BPNT2: variants seen among roughly 807,000 people sequenced by gnomAD.
BPNT2 encodes the protein Golgi-resident adenosine 3',5'-bisphosphate 3'-phosphatase.
A neutral mutation model predicts 29.3 loss-of-function variants in BPNT2; 11 were observed. The observed-to-expected ratio is 0.38, with a 90% CI of 0.24 to 0.62. The LOEUF (loss-of-function observed/expected upper bound fraction) is 0.62, where lower values mean the gene tolerates loss of function less well. BPNT2 is among the 20% of genes least tolerant of loss of function. The pLI is 0.62. For synonymous variants in BPNT2, 195 were observed against 187.7 expected, an observed-to-expected ratio of 1.04 and a Z score of -0.32; for missense variants, 459 against 473.4, an observed-to-expected ratio of 0.97 and a Z score of 0.28.
chr8:56,993,076 T>G (rs1224419182), intron 1 of BPNT2, 123 bp downstream of exon 1: 2 of 1,521,774 alleles, frequency 1.3e-6, no homozygotes, highest in African/African-American at 2.8e-5. Context: ...CACGTTAACT[T>G]CTGCGTCTCA....
At chr8:56,966,459 C>A in intron 3 of BPNT2, 107 bp from the exon 4 acceptor site, 1 of 942,474 alleles carries the variant, frequency 1.1e-6, no homozygotes, top group Non-Finnish European at 1.7e-6. Flanking sequence ...TAGCTCTCTT[C>A]TAAAAAATTA....
At chr8:56,987,895 A>AT (rs1806351899) in intron 1 of BPNT2, among the ~76,000 whole-genome samples, 1 of 151,326 alleles carries the variant, frequency 6.6e-6, no homozygotes, top group Non-Finnish European at 1.5e-5. Flanking sequence ...CGCCCAGCTA[A>AT]TTTTTTGTAT....
chr8:56,964,366 T>G, intron 4 of BPNT2: 1 of 255,322 alleles, frequency 3.9e-6, no homozygotes, highest in South Asian at 4.2e-5. Context: ...CAGCGCGATC[T>G]TGGCTCACTG....
rs886063005 is a variant in BPNT2, at chr8:56,960,800, G to C, written c.*2993C>G. 2.0e-5 allele frequency: 3 copies of C among 152,094 alleles called. No individual in the cohort carries two copies. The highest frequency in any genetic ancestry group is 2.9e-5 in the Non-Finnish European group (2 of 68,022). The allele number at this position is 152,094 out of a possible 1,614,324, so 9.4% of individuals were successfully genotyped here. A position where few individuals can be genotyped will look rare whatever the true frequency, so the allele number is the denominator to read the frequency against. The stretch of plus-strand genomic sequence containing the variant: ...TCATATTAGACTTGACAACATAAAG[G>C]GTTGTGGTTTTGAAGGTGATTTTCC... On this transcript the variant is annotated 3_prime_UTR_variant, in exon 5 of 5. Transcript: ENST00000262644.
Position 56,977,938 on chromosome 8 carries a change from A to C in BPNT2, c.646+112T>G. ...ATAATTTGTGTTTTTTTCTTACAGC[A>C]GCCCTAGGAAACTAATATAGGAGTG... On this transcript the variant is annotated intron_variant, in intron 3 of 4. Transcript: ENST00000262644. 3 of 767,186 alleles carry C rather than the reference A, an allele frequency of 3.9e-6. No homozygotes were observed. In the South Asian group the frequency reaches 4.2e-5, roughly 11 times the overall value. The allele number at this position is 767,186 out of a possible 1,614,324, so 47.5% of individuals were successfully genotyped here.
At chr8:56,989,120 A>C (rs1330969811) in intron 1 of BPNT2, among the ~76,000 whole-genome samples, 1 of 152,340 alleles carries the variant, frequency 6.6e-6, no homozygotes, top group East Asian at 1.9e-4. Flanking sequence ...CCTTATATAG[A>C]GAATTAGACA....
At position 56,963,979 on chromosome 8, in the gene BPNT2, C is replaced by T. The variant is rs771757587; in HGVS notation, c.894G>A (p.Lys298=). The part of the protein sequence containing the change: ...DLYIHVTYIK[K]WDICAGNAIL... The stretch of plus-strand genomic sequence containing the variant: ...TGGCATTACCAGCACATATATCCCA[C>T]TTTTTGATGTATGTCACATGGATGT... The change falls in exon 5 of 5, where the codon AAG becomes AAA. Residue 298 remains lysine, a synonymous_variant. Transcript: ENST00000262644. 29 of 1,613,420 alleles carry T rather than the reference C, an allele frequency of 1.8e-5. No homozygotes were observed. The highest frequency in any genetic ancestry group is 2.5e-5 in the Non-Finnish European group (29 of 1,179,574).
At chr8:56,983,652 C>A (rs921305625) in intron 1 of BPNT2, among the ~76,000 whole-genome samples, 2 of 152,094 alleles carry the variant, frequency 1.3e-5, no homozygotes, top group Non-Finnish European at 2.9e-5. Context: ...GAAAGAAAAA[C>A]CAATCCATAA....
chr8:56,969,620 C>G (rs1806000708), intron 3 of BPNT2, among the ~76,000 whole-genome samples: 2 of 151,912 alleles, frequency 1.3e-5, no homozygotes, highest in South Asian at 4.1e-4. Flanking sequence ...AAATGATGGT[C>G]AAGGATGAAA....
rs763945623 is a variant in BPNT2, at chr8:56,993,393, C to G, written c.193G>C (p.Glu65Gln). ...GCCAGCACTGACACAGCCAGCATCT[C>G]GCGCAAGTCCACGGTGCCCCCATCG... ...AADGGTVDLR[E>Q]MLAVSVLAAV... Residue 65 changes from glutamate (E) to glutamine (Q), a missense_variant, in exon 1 of 5, where the codon GAG (glutamate) becomes CAG (glutamine). Physicochemically the swap from Glu to Gln is conservative, Grantham distance 29. Transcript: ENST00000262644. 7 of 1,607,796 alleles carry G rather than the reference C, an allele frequency of 4.4e-6. No homozygotes were observed. In the South Asian group the frequency reaches 6.6e-5, roughly 15 times the overall value.
At chr8:56,980,260 C>T in intron 1 of BPNT2, 63 bp from the exon 2 acceptor site, 1 of 1,335,270 alleles carries the variant, frequency 7.5e-7, no homozygotes, top group South Asian at 1.2e-5. Context: ...TGATAAACTA[C>T]AAAAGTATTT....
At chr8:56,978,454 A>G (rs1806182814) in intron 2 of BPNT2, among the ~76,000 whole-genome samples, 1 of 152,172 alleles carries the variant, frequency 6.6e-6, no homozygotes, top group African/African-American at 2.4e-5. Flanking sequence ...GTGGGAGTGT[A>G]AATTAGTTAA....
rs576535573 is a variant in BPNT2, at chr8:56,981,609, G to A, written c.388-1412C>T. On this transcript the variant is annotated intron_variant, in intron 1 of 4. Transcript: ENST00000262644. ...AATAATAAAAAAATGTTTTAGAACTGCATTTACTTTTGTAAACTGGCATAT... is the reference window on the plus strand; with the variant it reads ...AATAATAAAAAAATGTTTTAGAACTACATTTACTTTTGTAAACTGGCATAT... Among the ~76,000 whole-genome samples, 8 of 152,192 alleles carry A rather than the reference G, an allele frequency of 5.3e-5. No individual in the cohort carries two copies. The East Asian group carries it at 1.5e-3, about 29-fold the overall frequency.
Position 56,993,433 on chromosome 8 carries a change from C to T in BPNT2, c.153G>A (p.Gly51=), listed in dbSNP as rs771799837. The part of the protein sequence containing the change: ...LGGEPGGGAA[G]PAAAADGGTV... Reference sequence around the variant, plus strand: ...TGCCCCCATCGGCCGCGGCCGCGGGCCCCGCCGCGCCGCCGCCAGGCTCGC... The same window carrying T: ...TGCCCCCATCGGCCGCGGCCGCGGGTCCCGCCGCGCCGCCGCCAGGCTCGC... The change falls in exon 1 of 5, where the codon GGG becomes GGA. Residue 51 remains glycine (G), a synonymous_variant. Coordinates refer to ENST00000262644, the MANE Select transcript of BPNT2 (RefSeq NM_017813.5). The T allele has an allele frequency of 1.0e-4, 151 of 1,479,732 alleles. No homozygotes were observed. The highest frequency in any genetic ancestry group is 1.8e-4 in the Middle Eastern group (1 of 5,694). 91.7% of individuals were successfully genotyped at this position (1,479,732 alleles called of 1,614,324 possible). A position where few individuals can be genotyped will look rare whatever the true frequency, so the allele number is the denominator to read the frequency against.
At chr8:56,982,415 C>T (rs1806260212) in intron 1 of BPNT2, among the ~76,000 whole-genome samples, 1 of 152,138 alleles carries the variant, frequency 6.6e-6, no homozygotes, top group South Asian at 2.1e-4. Context: ...GCCACCGCGC[C>T]TGGTAAATCT....
chr8:56,975,638 T>C (rs901512975), intron 3 of BPNT2, among the ~76,000 whole-genome samples: 1 of 152,192 alleles, frequency 6.6e-6, no homozygotes, highest in Non-Finnish European at 1.5e-5. Flanking sequence ...GGTTTCATGA[T>C]AGGAGCTCCT....
chr8:56,977,921 T>C, intron 3 of BPNT2, 129 bp downstream of exon 3: 1 of 709,870 alleles, frequency 1.4e-6, no homozygotes, highest in Non-Finnish European at 2.6e-6. Context: ...ACATAATTTG[T>C]GTTTTTTTCT....
At chr8:56,990,588 T>C (rs1403176735) in intron 1 of BPNT2, among the ~76,000 whole-genome samples, 1 of 152,046 alleles carries the variant, frequency 6.6e-6, no homozygotes, top group Non-Finnish European at 1.5e-5. Flanking sequence ...TTCTCTGGAG[T>C]ATGATTCCTC....
chr8:56,963,993 T>TCC lies in BPNT2; in HGVS notation c.879_880insGG (p.Thr294GlyfsTer16). 1 of 1,612,420 alleles carries TCC rather than the reference T, an allele frequency of 6.2e-7. No homozygotes were observed. The highest frequency in any genetic ancestry group is 8.5e-7 in the Non-Finnish European group (1 of 1,179,040). On this transcript the variant is annotated frameshift_variant, in exon 5 of 5. Transcript: ENST00000262644. LOFTEE classifies it high-confidence loss of function. ...CATATATCCCACTTTTTGATGTATG[T>TCC]CACATGGATGTATAAATCAGCTTTT...
Sources: gnomAD v4.1 joint callset for allele counts (sites outside exome capture counted in the v4.1 genomes callset) on GRCh38, gnomAD v4.1.1 for gene constraint, MANE v1.5 for transcripts, NCBI Gene and HGNC (gene_info 2026-07-23, HGNC 2026-07-21) for gene names.